The following TMEM94 variants were observed in gnomAD, a reference collection of about 807,000 sequenced individuals.
TMEM94 encodes transmembrane protein 94.
Under a neutral mutation model 158.6 loss-of-function variants are expected in TMEM94, and 81 were observed. The observed-to-expected ratio is 0.51, with a 90% CI of 0.43 to 0.61. The LOEUF (loss-of-function observed/expected upper bound fraction) is 0.61. Ranked by LOEUF, TMEM94 falls within the 20% of genes least tolerant of loss-of-function variation. The pLI is 0.00. For missense variants in TMEM94, 1,435 were observed against 1,762.0 expected, an observed-to-expected ratio of 0.81 and a Z score of 3.32; for synonymous variants, 751 against 730.7, an observed-to-expected ratio of 1.03 and a Z score of -0.45.
chr17:75,493,419 C>T, intron 16 of TMEM94, 72 bp from the exon 17 acceptor site: 4 of 1,459,790 alleles, frequency 2.7e-6, no homozygotes, highest in Non-Finnish European at 3.8e-6. Flanking sequence ...TCCAGGAGGA[C>T]AGTGCGTTGC....
At position 75,499,358 on chromosome 17, in the gene TMEM94, T is replaced by C. The variant is rs201060398; in HGVS notation, c.*24T>C. On this transcript the variant is annotated 3_prime_UTR_variant, in exon 32 of 32. Transcript: ENST00000314256. ...GAGCCACTGGCTGTGGTGGCTGTAG[T>C]TGCCCCCGTCCCTGGGGCTAAAGCC... 118 of 1,605,884 alleles carry C rather than the reference T, an allele frequency of 7.3e-5. No homozygotes were observed. In the African/African-American group the frequency reaches 1.5e-3, roughly 20 times the overall value.
Position 75,499,336 on chromosome 17 carries a change from C to A in TMEM94, c.*2C>A. 1 of 1,613,386 alleles carries A rather than the reference C, an allele frequency of 6.2e-7. No individual in the cohort carries two copies. Among genetic ancestry groups the A allele is most frequent in the Non-Finnish European group, 8.5e-7 (1 of 1,179,736 alleles). On this transcript the variant is annotated 3_prime_UTR_variant, in exon 32 of 32. Transcript: ENST00000314256. ...CTGGGCATGAACTCTCCCTTCTGAGCCACTGGCTGTGGTGGCTGTAGTTGC... is the reference window on the plus strand; with the variant it reads ...CTGGGCATGAACTCTCCCTTCTGAGACACTGGCTGTGGTGGCTGTAGTTGC...
At chr17:75,479,744 C>T (rs1157819644) in intron 2 of TMEM94, among the ~76,000 whole-genome samples, 1 of 152,012 alleles carries the variant, frequency 6.6e-6, no homozygotes, top group African/African-American at 2.4e-5. Flanking sequence ...ATGGCGAAAC[C>T]CTGTCTCTAC....
At chr17:75,484,295 C>T (rs1262292796) in intron 2 of TMEM94, among the ~76,000 whole-genome samples, 4 of 151,624 alleles carry the variant, frequency 2.6e-5, no homozygotes, top group South Asian at 2.1e-4. Context: ...CCCTTTCTTC[C>T]GTCCCTCCCT....
At position 75,495,841 on chromosome 17, in the gene TMEM94, T is replaced by C; in HGVS notation, c.2945-125T>C. ...GTTCACATGATCCCGCTGCCGGGGG[T>C]GGGATTGTTTCAAAGAGGGGCCCAC... On this transcript the variant is annotated intron_variant, in intron 22 of 31. Transcript: ENST00000314256. This position sits in a 1 kb window ranked among gnomAD's most constrained non-coding sequence, Gnocchi z 5.6. 1 of 810,200 alleles carries C rather than the reference T, an allele frequency of 1.2e-6. No individual in the cohort carries two copies. Among genetic ancestry groups the C allele is most frequent in the Non-Finnish European group, 2.0e-6 (1 of 497,150 alleles). The allele number at this position is 810,200 out of a possible 1,614,324, so 50.2% of individuals were successfully genotyped here.
chr17:75,492,736 C>G lies in TMEM94; in HGVS notation c.1859C>G (p.Ala620Gly), dbSNP rs2146757555. 3.1e-6 allele frequency: 5 copies of G among 1,610,002 alleles called. No individual in the cohort carries two copies. The East Asian group carries it at 1.1e-4, about 36-fold the overall frequency. Reference protein sequence around the residue: ...CNIALQESHSAVLPVHVPWGL... With the variant: ...CNIALQESHSGVLPVHVPWGL... ...ATCGCCCTGCAAGAGAGCCACAGCGCCGTGCTGCCCGTCCATGTGCCCTGG... is the reference window on the plus strand; with the variant it reads ...ATCGCCCTGCAAGAGAGCCACAGCGGCGTGCTGCCCGTCCATGTGCCCTGG... Residue 620 changes from alanine (A) to glycine (G), a missense_variant, in exon 15 of 32, where the codon GCC becomes GGC. Coordinates refer to ENST00000314256, the MANE Select transcript of TMEM94 (RefSeq NM_014738.6). This position sits in a 1 kb window ranked among gnomAD's most constrained non-coding sequence, Gnocchi z 4.4.
intron 1 of TMEM94, among the ~76,000 whole-genome samples, chr17:75,458,363 G>T (rs2049956132): frequency 1.3e-5 from 2 of 152,050 alleles, no homozygotes; most frequent in Admixed American, 6.6e-5. Flanking sequence ...AGATCCTGAG[G>T]CATAACTAAA....
In TMEM94 at chr17:75,458,795, C is replaced by T. The variant is rs142291510; in HGVS notation, c.-107+2044C>T. ...ACTATTGGCCGGGCGCAGTGGCTCA[C>T]GCCTGTAATCCCAGCACTTTGGGAG... is the stretch of plus-strand genomic sequence containing the variant. On this transcript the variant is annotated intron_variant, in intron 1 of 31. Transcript: ENST00000314256. Among the ~76,000 whole-genome samples the T allele has an allele frequency of 2.7e-3, 413 of 150,862 alleles. 2 individuals are homozygous for T. Among genetic ancestry groups the T allele is most frequent in the Middle Eastern group, 6.9e-3 (2 of 288 alleles).
Position 75,489,430 on chromosome 17 carries a change from G to A in TMEM94, c.867+62G>A. Reference sequence around the variant, plus strand: ...AGAGGAGAGGGCTGGACACGGGGGGGTCTCAGGGCCACTCACATGAGCGGG... The same window carrying A: ...AGAGGAGAGGGCTGGACACGGGGGGATCTCAGGGCCACTCACATGAGCGGG... On this transcript the variant is annotated intron_variant, in intron 8 of 31. Coordinates refer to ENST00000314256, the MANE Select transcript of TMEM94 (RefSeq NM_014738.6). This position sits in a 1 kb window ranked among gnomAD's most constrained non-coding sequence, Gnocchi z 5.0. 1 of 1,539,206 alleles carries A rather than the reference G, an allele frequency of 6.5e-7. No individual in the cohort carries two copies. The highest frequency in any genetic ancestry group is 9.0e-7 in the Non-Finnish European group (1 of 1,112,690).
rs757345645 is a variant in TMEM94 at position 75,492,891 on chromosome 17, C to T, written c.1913-38C>T. ...CTTAATGGACCTGGCAGGGTATTGCCAGGGCATGGCCCTAAGTTCCTGTTC... is the reference window on the plus strand; with the variant it reads ...CTTAATGGACCTGGCAGGGTATTGCTAGGGCATGGCCCTAAGTTCCTGTTC... On this transcript the variant is annotated intron_variant, in intron 15 of 31. Transcript: ENST00000314256. This position sits in a 1 kb window ranked among gnomAD's most constrained non-coding sequence, Gnocchi z 4.4. 1.8e-5 allele frequency: 29 copies of T among 1,594,556 alleles called. No individual in the cohort carries two copies. The highest frequency in any genetic ancestry group is 2.4e-5 in the Non-Finnish European group (28 of 1,168,358).
chr17:75,496,702 G>A, intron 24 of TMEM94, 28 bp from the exon 25 acceptor site: 2 of 1,609,502 alleles, frequency 1.2e-6, no homozygotes, highest in South Asian at 1.1e-5. Flanking sequence ...GTAGACCCAG[G>A]CCATAATCTG....
intron 5 of TMEM94, 30 bp downstream of exon 5, chr17:75,486,456 A>G (rs2051620449): frequency 6.2e-7 from 1 of 1,613,666 alleles, no homozygotes; most frequent in Non-Finnish European, 8.5e-7. Flanking sequence ...TATTGGTGGG[A>G]AAAGATGACC....
At chr17:75,477,066 G>A (rs1209031040) in intron 2 of TMEM94, among the ~76,000 whole-genome samples, 1 of 152,176 alleles carries the variant, frequency 6.6e-6, no homozygotes, top group African/African-American at 2.4e-5. Flanking sequence ...GGGCCAGGAT[G>A]CCATCCCTCC....
intron 2 of TMEM94, among the ~76,000 whole-genome samples, chr17:75,478,283 C>T (rs1332756147): frequency 1.5e-5 from 2 of 136,472 alleles, no homozygotes; most frequent in African/African-American, 2.8e-5. Context: ...TCCCAAAGTG[C>T]TGGGATTACA....
chr17:75,464,664 CTTCCTTCCTTCCTTCTTTCTTTCT>C (rs1567906924), intron 1 of TMEM94, among the ~76,000 whole-genome samples: 1 of 107,964 alleles, frequency 9.3e-6, no homozygotes, highest in East Asian at 2.3e-4. Flanking sequence ...TCCTTCCTTC[CTTCCTTCCTTCCTTCTTTCTTTCT>C]TTCTTTCTTT....
rs557230909 is a variant in TMEM94 at position 75,492,780 on chromosome 17, C to T, written c.1903C>T (p.Arg635Cys). The change falls in exon 15 of 32, where the codon CGC becomes TGC. Residue 635 changes from arginine to cysteine, a missense_variant. Arg to Cys is a radical substitution (Grantham distance 180). This residue lies in a region of TMEM94 where 1,051 missense variants were observed against 1,254.4 expected (regional missense o/e 0.84). Transcript: ENST00000314256. This position sits in a 1 kb window ranked among gnomAD's most constrained non-coding sequence, Gnocchi z 4.4. ...HVPWGLCELA[R>C]LIGFTPGAKE... Reference sequence around the variant, plus strand: ...GCCCTGGGGCCTCTGCGAGCTTGCCCGCCTCATTGGTACAGGTCCCCATGG... The same window carrying T: ...GCCCTGGGGCCTCTGCGAGCTTGCCTGCCTCATTGGTACAGGTCCCCATGG... 7 of 1,605,264 alleles carry T rather than the reference C, an allele frequency of 4.4e-6. No homozygotes were observed. The highest frequency in any genetic ancestry group is 2.2e-5 in the East Asian group (1 of 44,852).
intron 16 of TMEM94, 160 bp from the exon 17 acceptor site, chr17:75,493,331 C>A: frequency 1.2e-6 from 1 of 849,958 alleles, no homozygotes; most frequent in Non-Finnish European, 1.9e-6. Context: ...CATTCCAAGC[C>A]CAGTGGCATT....
At chr17:75,463,273 T>C (rs2050179488) in intron 1 of TMEM94, among the ~76,000 whole-genome samples, 1 of 149,696 alleles carries the variant, frequency 6.7e-6, no homozygotes, top group Admixed American at 6.7e-5. Context: ...AGTTCCTGTT[T>C]TGGGGCCTCC....
At chr17:75,477,377 C>T (rs1442275339) in intron 2 of TMEM94, among the ~76,000 whole-genome samples, 1 of 152,070 alleles carries the variant, frequency 6.6e-6, no homozygotes, top group Admixed American at 6.5e-5. Context: ...AGCTTTGTGT[C>T]GCTTCCATAC....
Sources: gnomAD v4.1 joint callset for allele counts (sites outside exome capture counted in the v4.1 genomes callset) on GRCh38, gnomAD v4.1.1 for gene constraint, gnomAD v4.1.1 regional missense constraint, Gnocchi (gnomAD v3.1) non-coding constraint, MANE v1.5 for transcripts, NCBI Gene and HGNC (gene_info 2026-07-23, HGNC 2026-07-21) for gene names.